OR6J1: variants seen among roughly 807,000 people sequenced by gnomAD.
OR6J1 encodes olfactory receptor 6J1.
For missense variants in OR6J1, 304 were observed against 166.8 expected, an observed-to-expected ratio of 1.82 and a Z score of -4.53; for synonymous variants, 109 against 70.0, an observed-to-expected ratio of 1.56 and a Z score of -2.78.
Position 22,636,675 on chromosome 14 carries a change from C to T in OR6J1, c.-27-1837G>A, listed in dbSNP as rs1454670927. ...GAGTGATCCGCCAGCCTCAGCCTCC[C>T]GGGGTGCCGGGATTGCGGACGGAGT... On this transcript the variant is annotated intron_variant, in intron 1 of 1. Transcript: ENST00000540461. 8.5e-5 allele frequency among the ~76,000 whole-genome samples: 10 copies of T among 117,724 alleles called. No individual in the cohort carries two copies. The South Asian group carries it at 1.7e-3, about 20-fold the overall frequency. 77.2% of individuals were successfully genotyped at this position (117,724 alleles called of 152,430 possible). A position where few individuals can be genotyped will look rare whatever the true frequency, so the allele number is the denominator to read the frequency against.
intron 1 of OR6J1, among the ~76,000 whole-genome samples, chr14:22,637,019 GC>G (rs2037593058): frequency 1.6e-5 from 2 of 124,794 alleles, no homozygotes; most frequent in Non-Finnish European, 3.2e-5. Flanking sequence ...GAGCGTCTCT[GC>G]CCGGCCGCCC....
chr14:22,641,168 A>AAG (rs1221769057), intron 1 of OR6J1, among the ~76,000 whole-genome samples: 2 of 140,098 alleles, frequency 1.4e-5, no homozygotes, highest in Admixed American at 7.4e-5. Flanking sequence ...TGAAGAAAGA[A>AAG]AGAGAGAGAG....
At chr14:22,641,221 GAAAGAAAGAAAGAAAGAAAGAAAGA>G (rs1555310973) in intron 1 of OR6J1, among the ~76,000 whole-genome samples, 1 of 22,964 alleles carries the variant, frequency 4.4e-5, no homozygotes. Flanking sequence ...AAGAAAGAAA[GAAAGAAAGAAAGAAAGAAAGAAAGA>G]AAGAAAGAAA....
intron 1 of OR6J1, among the ~76,000 whole-genome samples, chr14:22,643,754 C>CAGAGAGAGAGAGAG (rs1594904768): frequency 1.1e-5 from 1 of 93,070 alleles, no homozygotes; most frequent in African/African-American, 4.2e-5. Flanking sequence ...CACACACACA[C>CAGAGAGAGAGAGAG]ACACACACAC....
In OR6J1 at chr14:22,632,784, C is replaced by G. The variant is rs67151628; in HGVS notation, c.*984G>C. The G allele has an allele frequency of 0.23, 35,282 of 152,048 alleles. 4,360 individuals are homozygous for G. The highest frequency in any genetic ancestry group is 0.32 in the African/African-American group (13,316 of 41,428). 9.4% of individuals were successfully genotyped at this position (152,048 alleles called of 1,614,324 possible). The stretch of plus-strand genomic sequence containing the variant: ...GGAATCAAAATTCTACCAGCTCCAG[C>G]CCTAGGAAGTCATGAGAGAAGAGGG... On this transcript the variant is annotated 3_prime_UTR_variant, in exon 2 of 2. Coordinates refer to ENST00000540461, the MANE Select transcript of OR6J1 (RefSeq NM_001348233.2).
At chr14:22,643,760 CACACAGAGAGAGAGAG>C (rs1229821532) in intron 1 of OR6J1, among the ~76,000 whole-genome samples, 102 of 62,968 alleles carry the variant, frequency 1.6e-3, no homozygotes, top group Middle Eastern at 9.1e-3. Flanking sequence ...CACACACACA[CACACAGAGAGAGAGAG>C]AGAGAGAGAG....
rs950264097 is a variant in OR6J1, at chr14:22,633,230, A to G, written c.*538T>C. On this transcript the variant is annotated 3_prime_UTR_variant, in exon 2 of 2. Coordinates refer to ENST00000540461, the MANE Select transcript of OR6J1 (RefSeq NM_001348233.2). Reference sequence around the variant, plus strand: ...GGGCCATGTCTTACATAACGACATGAGCATATTGGATATTATGAACATGTT... The same window carrying G: ...GGGCCATGTCTTACATAACGACATGGGCATATTGGATATTATGAACATGTT... 1 of 155,282 alleles carries G rather than the reference A, an allele frequency of 6.4e-6. No individual in the cohort carries two copies. The highest frequency in any genetic ancestry group is 2.4e-5 in the African/African-American group (1 of 41,448). 9.6% of individuals were successfully genotyped at this position (155,282 alleles called of 1,614,324 possible). A position where few individuals can be genotyped will look rare whatever the true frequency, so the allele number is the denominator to read the frequency against.
intron 1 of OR6J1, among the ~76,000 whole-genome samples, chr14:22,640,483 G>GTTTTTTTTT (rs1457341102): frequency 3.8e-5 from 5 of 132,652 alleles, no homozygotes; most frequent in Non-Finnish European, 3.2e-5. Context: ...CAGTGAGAAT[G>GTTTTTTTTT]TATTTTTTTT....
Position 22,632,094 on chromosome 14 carries a change from T to C in OR6J1, c.*1674A>G, listed in dbSNP as rs1305884097. 1 of 152,252 alleles carries C rather than the reference T, an allele frequency of 6.6e-6. No individual in the cohort carries two copies. The highest frequency in any genetic ancestry group is 1.5e-5 in the Non-Finnish European group (1 of 68,074). The allele number at this position is 152,252 out of a possible 1,614,324, so 9.4% of individuals were successfully genotyped here. ...GTTCCACGCAGAGCATAGGGGTTAA[T>C]TTAGCAAAGTGGATGCTGCAGCACT... On this transcript the variant is annotated 3_prime_UTR_variant, in exon 2 of 2. Transcript: ENST00000540461.
In OR6J1 at chr14:22,634,000, T is replaced by C. The variant is rs981137331; in HGVS notation, c.812A>G (p.Lys271Arg). 4.3e-6 allele frequency: 3 copies of C among 702,798 alleles called. No homozygotes were observed. The allele number at this position is 702,798 out of a possible 1,614,324, so 43.5% of individuals were successfully genotyped here. Residue 271 changes from lysine (K) to arginine (R), a missense_variant, in exon 2 of 2, where the codon AAG becomes AGG. Transcript: ENST00000540461. ...PSQKEYLEIN[K>R]IPLVLSSVVT... ...CACACTGCTCAGAACCAAAGGGATCTTGTTGATCTCCAGATATTCTTTCTG... is the reference window on the plus strand; with the variant it reads ...CACACTGCTCAGAACCAAAGGGATCCTGTTGATCTCCAGATATTCTTTCTG...
In OR6J1 at chr14:22,633,233, A is replaced by G. The variant is rs1427286076; in HGVS notation, c.*535T>C. Reference sequence around the variant, plus strand: ...CCATGTCTTACATAACGACATGAGCATATTGGATATTATGAACATGTTCTA... The same window carrying G: ...CCATGTCTTACATAACGACATGAGCGTATTGGATATTATGAACATGTTCTA... On this transcript the variant is annotated 3_prime_UTR_variant, in exon 2 of 2. Transcript: ENST00000540461. The G allele has an allele frequency of 6.4e-6, 1 of 155,596 alleles. No individual in the cohort carries two copies. The highest frequency in any genetic ancestry group is 1.4e-5 in the Non-Finnish European group (1 of 70,002). The allele number at this position is 155,596 out of a possible 1,614,324, so 9.6% of individuals were successfully genotyped here.
intron 1 of OR6J1, among the ~76,000 whole-genome samples, chr14:22,638,726 C>G (rs1345860916): frequency 6.6e-6 from 1 of 151,968 alleles, no homozygotes; most frequent in Non-Finnish European, 1.5e-5. Context: ...ACTATATTGT[C>G]AAGAAGCAAA....
Position 22,637,864 on chromosome 14 carries a change from G to GC in OR6J1, c.-27-3027_-27-3026insG, listed in dbSNP as rs1407227397. ...CGCCCCGTCCGGGAGGGAGGCGGGG[G>GC]GGGTGGGGTCGGCCAGCCGCCCTGT... On this transcript the variant is annotated intron_variant, in intron 1 of 1. Coordinates refer to ENST00000540461, the MANE Select transcript of OR6J1 (RefSeq NM_001348233.2). Among the ~76,000 whole-genome samples the GC allele has an allele frequency of 1.3e-4, 5 of 37,146 alleles. 1 individual carries two copies. The highest frequency in any genetic ancestry group is 2.1e-4 in the Non-Finnish European group (4 of 18,772). 24.4% of individuals were successfully genotyped at this position (37,146 alleles called of 152,430 possible).
At chr14:22,642,040 G>A (rs1217345644) in intron 1 of OR6J1, among the ~76,000 whole-genome samples, 2 of 151,972 alleles carry the variant, frequency 1.3e-5, no homozygotes, top group Non-Finnish European at 2.9e-5. Context: ...CGAGGACTGA[G>A]TTGACCTCTG....
At chr14:22,642,629 T>G (rs2037660991) in intron 1 of OR6J1, among the ~76,000 whole-genome samples, 1 of 151,876 alleles carries the variant, frequency 6.6e-6, no homozygotes, top group African/African-American at 2.4e-5. Context: ...CAAGCCACCA[T>G]GCCTGGCAGA....
chr14:22,636,986 C>G (rs1298891948), intron 1 of OR6J1, among the ~76,000 whole-genome samples: 2 of 126,868 alleles, frequency 1.6e-5, no homozygotes. Flanking sequence ...TCTTCCCGGC[C>G]GCCTTCCCAT....
chr14:22,637,156 T>C lies in OR6J1; in HGVS notation c.-27-2318A>G, dbSNP rs1289479679. Reference sequence around the variant, plus strand: ...CTGCCCGGCCGCCCTGTCTGAGAAGTGAGGAAACCCTCTGCCTGGCAACCG... The same window carrying C: ...CTGCCCGGCCGCCCTGTCTGAGAAGCGAGGAAACCCTCTGCCTGGCAACCG... On this transcript the variant is annotated intron_variant, in intron 1 of 1. Transcript: ENST00000540461. 2.7e-5 allele frequency among the ~76,000 whole-genome samples: 3 copies of C among 109,318 alleles called. 1 individual carries two copies. The highest frequency in any genetic ancestry group is 5.2e-5 in the Non-Finnish European group (3 of 57,592). The allele number at this position is 109,318 out of a possible 152,430, so 71.7% of individuals were successfully genotyped here.
At chr14:22,637,043 T>A (rs1425989048) in intron 1 of OR6J1, among the ~76,000 whole-genome samples, 3 of 117,618 alleles carry the variant, frequency 2.6e-5, no homozygotes, top group Non-Finnish European at 5.0e-5. Flanking sequence ...GTCTGAGATG[T>A]GGGGAGCACC....
intron 1 of OR6J1, among the ~76,000 whole-genome samples, chr14:22,637,708 C>G (rs1184378314): frequency 1.2e-5 from 1 of 83,124 alleles, no homozygotes; most frequent in East Asian, 3.1e-4. Context: ...CCCGCCCGAC[C>G]AGCCGCCCCG....
Sources: allele counts gnomAD v4.1 joint callset (sites outside exome capture counted in the v4.1 genomes callset), GRCh38; gene constraint gnomAD v4.1.1; transcripts MANE v1.5; gene names NCBI Gene and HGNC (gene_info 2026-07-23, HGNC 2026-07-21).